PGR: variants seen among roughly 807,000 people sequenced by gnomAD.
The protein encoded by PGR is progesterone receptor.
PGR carries 25 observed loss-of-function variants against 76.1 expected under a neutral mutation model. The observed-to-expected ratio is 0.33, with a 90% CI of 0.24 to 0.46. The LOEUF (loss-of-function observed/expected upper bound fraction) is 0.46. Among genes scored for constraint, PGR ranks in the 20% least tolerant of loss-of-function variants. PGR has a pLI of 1.00. For missense variants in PGR, 1,172 were observed against 1,225.3 expected, an observed-to-expected ratio of 0.96 and a Z score of 0.65; for synonymous variants, 579 against 535.0, an observed-to-expected ratio of 1.08 and a Z score of -1.14.
intron 2 of PGR, among the ~76,000 whole-genome samples, chr11:101,093,060 T>C (rs977636862): frequency 2.6e-5 from 4 of 152,174 alleles, no homozygotes; most frequent in Non-Finnish European, 5.9e-5. Flanking sequence ...ACAGCTGATA[T>C]CAAGAAGGTT....
intron 4 of PGR, among the ~76,000 whole-genome samples, chr11:101,057,681 A>G (rs1591377286): frequency 6.6e-6 from 1 of 152,170 alleles, no homozygotes; most frequent in East Asian, 1.9e-4. Context: ...AATGAATCAT[A>G]TATTTAATAA....
chr11:101,065,894 T>C (rs2135416535), intron 3 of PGR, among the ~76,000 whole-genome samples: 1 of 151,880 alleles, frequency 6.6e-6, no homozygotes, highest in African/African-American at 2.4e-5. Context: ...GGTAATGATT[T>C]GGGGGAGGCT....
intron 6 of PGR, among the ~76,000 whole-genome samples, chr11:101,045,684 TGTG>T (rs1859852048): frequency 6.6e-6 from 1 of 152,118 alleles, no homozygotes; most frequent in Non-Finnish European, 1.5e-5. Flanking sequence ...TGTGTGTGTG[TGTG>T]TGTGTGTGTA....
chr11:101,031,499 T>G lies in PGR; in HGVS notation c.*7617A>C, dbSNP rs889108357. The stretch of plus-strand genomic sequence containing the variant: ...TGGATAGATTATTAAGCGCCAAGTT[T>G]TCTCTTCAACCTACTGCTCACCAGT... On this transcript the variant is annotated 3_prime_UTR_variant, in exon 8 of 8. Coordinates refer to ENST00000325455, the MANE Select transcript of PGR (RefSeq NM_000926.4). 15 of 229,508 alleles carry G rather than the reference T, an allele frequency of 6.5e-5. No individual in the cohort carries two copies. Among genetic ancestry groups the G allele is most frequent in the Admixed American group, 1.1e-4 (2 of 17,662 alleles). 14.2% of individuals were successfully genotyped at this position (229,508 alleles called of 1,614,324 possible).
chr11:101,043,409 A>T (rs1222361090), intron 6 of PGR, among the ~76,000 whole-genome samples: 1 of 152,156 alleles, frequency 6.6e-6, no homozygotes, highest in Admixed American at 6.5e-5. Context: ...ATCTGTAGTT[A>T]TTTCCTCCAC....
intron 2 of PGR, among the ~76,000 whole-genome samples, chr11:101,094,655 C>T (rs1279631860): frequency 6.6e-6 from 1 of 152,118 alleles, no homozygotes; most frequent in African/African-American, 2.4e-5. Flanking sequence ...GTTATCTGTA[C>T]AAATTATATC....
At chr11:101,045,416 GCA>G (rs1226707184) in intron 6 of PGR, among the ~76,000 whole-genome samples, 7 of 152,002 alleles carry the variant, frequency 4.6e-5, no homozygotes, top group African/African-American at 1.7e-4. Flanking sequence ...ACCCAATAAT[GCA>G]CATTGTATCC....
rs114584744 is a variant in PGR at position 101,109,246 on chromosome 11, T to A, written c.1789+16761A>T. Among the ~76,000 whole-genome samples, 495 of 152,278 alleles carry A rather than the reference T, an allele frequency of 3.3e-3. 2 individuals are homozygous for A. The highest frequency in any genetic ancestry group is 0.011 in the African/African-American group (465 of 41,542). ...AGTGAAAGGAAGGGTTGCATATGTG[T>A]CACCTTAAATTAAAAGCTAGAAAGA... On this transcript the variant is annotated intron_variant, in intron 2 of 7. Coordinates refer to ENST00000325455, the MANE Select transcript of PGR (RefSeq NM_000926.4).
chr11:101,039,775 A>ACAG (rs927915034), intron 7 of PGR, among the ~76,000 whole-genome samples: 7 of 151,976 alleles, frequency 4.6e-5, no homozygotes, highest in Admixed American at 1.3e-4. Context: ...AAAAACAAAA[A>ACAG]CAGCAGCAGC....
chr11:101,089,164 C>T (rs1861594201), intron 3 of PGR, among the ~76,000 whole-genome samples: 1 of 152,068 alleles, frequency 6.6e-6, no homozygotes, highest in South Asian at 2.1e-4. Context: ...CACATGTACC[C>T]ACTGAAGCTA....
chr11:101,085,277 C>T (rs1195796987), intron 3 of PGR, among the ~76,000 whole-genome samples: 2 of 151,950 alleles, frequency 1.3e-5, no homozygotes, highest in Admixed American at 6.6e-5. Flanking sequence ...AAACCAACAT[C>T]AAGAAGATCT....
chr11:101,063,510 A>G (rs1860589635), intron 3 of PGR: 1 of 152,222 alleles, frequency 6.6e-6, no homozygotes, highest in South Asian at 2.1e-4. Context: ...ATGAGAAATG[A>G]TTGAAGGAGA....
At position 101,066,716 on chromosome 11, in the gene PGR, G is replaced by C. The variant is rs143016159; in HGVS notation, c.1907-3964C>G. Among the ~76,000 whole-genome samples the C allele has an allele frequency of 6.8e-4, 104 of 152,266 alleles. 1 individual carries two copies. In the East Asian group the frequency reaches 0.013, roughly 19 times the overall value. Reference sequence around the variant, plus strand: ...TTGTAACTTCATTTACACACCTGCTGCTCTAGCCCCAAACTCTAGAGTCAT... The same window carrying C: ...TTGTAACTTCATTTACACACCTGCTCCTCTAGCCCCAAACTCTAGAGTCAT... On this transcript the variant is annotated intron_variant, in intron 3 of 7. Transcript: ENST00000325455.
At position 101,127,851 on chromosome 11, in the gene PGR, GC is replaced by G; in HGVS notation, c.1219del (p.Ala407ProfsTer33). 6.3e-7 allele frequency: 1 copy of G among 1,591,906 alleles called. No individual in the cohort carries two copies. Among genetic ancestry groups the G allele is most frequent in the Non-Finnish European group, 8.5e-7 (1 of 1,174,710 alleles). On this transcript the variant is annotated frameshift_variant, in exon 1 of 8. Transcript: ENST00000325455. LOFTEE classifies it high-confidence loss of function. ...SARSPRSYLV[A>X]GANPAAFPDF... ...CGGGAAGGCTGCGGGGTTGGCACCG[GC>G]CACAAGGTAGGAACGCGGGGAGCGC...
At chr11:101,040,058 T>C (rs1425340662) in intron 7 of PGR, among the ~76,000 whole-genome samples, 1 of 151,804 alleles carries the variant, frequency 6.6e-6, no homozygotes, top group Non-Finnish European at 1.5e-5. Flanking sequence ...CCAGCATTTA[T>C]ATCATAAAGA....
intron 6 of PGR, 58 bp from the exon 7 acceptor site, chr11:101,042,160 T>C: frequency 6.5e-7 from 1 of 1,538,210 alleles, no homozygotes; most frequent in Non-Finnish European, 9.0e-7. Context: ...ATTAACAATT[T>C]ATAACATATA....
Position 101,032,802 on chromosome 11 carries a change from C to G in PGR, c.*6314G>C. 1 of 192,222 alleles carries G rather than the reference C, an allele frequency of 5.2e-6. No individual in the cohort carries two copies. The highest frequency in any genetic ancestry group is 1.1e-5 in the Non-Finnish European group (1 of 92,012). 11.9% of individuals were successfully genotyped at this position (192,222 alleles called of 1,614,324 possible). On this transcript the variant is annotated 3_prime_UTR_variant, in exon 8 of 8. Transcript: ENST00000325455. ...AGCTATCTGTTTACCTGTCTTTATT[C>G]CCCATCCAACTCTAAGCTCGGAGAA...
intron 3 of PGR, among the ~76,000 whole-genome samples, chr11:101,079,481 A>C (rs1469119903): frequency 2.0e-5 from 3 of 152,218 alleles, no homozygotes. Flanking sequence ...TCTTGAAAGA[A>C]GACATACAAA....
chr11:101,127,763 T>C lies in PGR; in HGVS notation c.1308A>G (p.Glu436=). 1.3e-6 allele frequency: 2 copies of C among 1,561,006 alleles called. No individual in the cohort carries two copies. The highest frequency in any genetic ancestry group is 1.2e-5 in the South Asian group (1 of 86,086). ...PPRATPSRPG[E]AAVTAAPASA... is the part of the protein sequence containing the mutation. ...TGGCGGGTGCGGCCGTCACCGCCGC[T>C]TCCCCGGGTCTGGATGGGGTCGCTC... is the stretch of plus-strand genomic sequence containing the variant. The change falls in exon 1 of 8, where the codon GAA becomes GAG. Residue 436 remains glutamate (E), a synonymous_variant. Coordinates refer to ENST00000325455, the MANE Select transcript of PGR (RefSeq NM_000926.4).
Sources: gnomAD v4.1 joint callset for allele counts (sites outside exome capture counted in the v4.1 genomes callset) on GRCh38, gnomAD v4.1.1 for gene constraint, MANE v1.5 for transcripts, NCBI Gene and HGNC (gene_info 2026-07-23, HGNC 2026-07-21) for gene names.